Variants in CFAP74 observed in about 807,000 individuals in gnomAD.
The protein encoded by CFAP74 is cilia and flagella associated protein 74, also known as cilia- and flagella-associated protein 74.
A neutral mutation model predicts 188.9 loss-of-function variants in CFAP74; 124 were observed. The observed-to-expected ratio is 0.66, with a 90% CI of 0.57 to 0.76. The LOEUF (loss-of-function observed/expected upper bound fraction) is 0.76. Ranked by LOEUF, CFAP74 falls within the 30% of genes least tolerant of loss-of-function variation. The pLI, the probability that CFAP74 is intolerant of heterozygous loss-of-function variation, is 0.00. For synonymous variants in CFAP74, 956 were observed against 916.7 expected, an observed-to-expected ratio of 1.04 and a Z score of -0.77; for missense variants, 2,198 against 2,165.2, an observed-to-expected ratio of 1.02 and a Z score of -0.30.
At chr1:1,925,662 CA>C (rs1651827920) in intron 33 of CFAP74, 120 bp downstream of exon 33, 1 of 1,078,112 alleles carries the variant, frequency 9.3e-7, no homozygotes, top group African/African-American at 1.6e-5. Flanking sequence ...TAGAGGGGGC[CA>C]CCTGTGTCCC....
intron 18 of CFAP74, chr1:1,954,772 C>T: frequency 9.2e-7 from 1 of 1,087,046 alleles, no homozygotes; most frequent in Non-Finnish European, 1.1e-6. Context: ...GACAGAGACC[C>T]TGTCTCAACA....
chr1:1,943,920 G>C (rs371793060), intron 21 of CFAP74, among the ~76,000 whole-genome samples: 1 of 152,136 alleles, frequency 6.6e-6, no homozygotes, highest in South Asian at 2.1e-4. Flanking sequence ...CCCCGGGCTC[G>C]GGGCCCTTCC....
chr1:1,969,414 TGCCCA>T (rs1255323426), intron 10 of CFAP74, among the ~76,000 whole-genome samples: 1 of 54,904 alleles, frequency 1.8e-5, no homozygotes, highest in African/African-American at 7.1e-5. Context: ...AGCCCTGCCC[TGCCCA>T]GCCCAGCCCA....
chr1:1,953,305 T>C (rs1340284228), intron 18 of CFAP74: 1 of 151,960 alleles, frequency 6.6e-6, no homozygotes, highest in Non-Finnish European at 1.5e-5. Context: ...GCTTTTTTTT[T>C]TTTTTTTGAG....
At chr1:1,993,917 G>A (rs1319094884) in intron 1 of CFAP74, among the ~76,000 whole-genome samples, 2 of 150,714 alleles carry the variant, frequency 1.3e-5, no homozygotes, top group African/African-American at 2.4e-5. Context: ...GGGAGGCGGA[G>A]CTTGCAGTGA....
intron 15 of CFAP74, 73 bp downstream of exon 15, chr1:1,959,891 G>T: frequency 7.6e-7 from 1 of 1,320,966 alleles, no homozygotes; most frequent in Non-Finnish European, 1.0e-6. Context: ...CATGTTCTGC[G>T]CCACCATGCC....
At chr1:1,970,467 C>G (rs569045011) in intron 10 of CFAP74, among the ~76,000 whole-genome samples, 192 bp downstream of exon 10, 20 of 152,276 alleles carry the variant, frequency 1.3e-4, no homozygotes, top group African/African-American at 4.8e-4. Flanking sequence ...CAGGGCTGGG[C>G]AGGCTGAGTC....
chr1:1,979,181 C>T (rs1164076030), intron 6 of CFAP74, among the ~76,000 whole-genome samples: 3 of 82,996 alleles, frequency 3.6e-5, no homozygotes, highest in African/African-American at 1.4e-4. Context: ...CTGCACAGAA[C>T]ACGTGTGTCG....
intron 25 of CFAP74, among the ~76,000 whole-genome samples, chr1:1,934,912 G>T (rs1464903688): frequency 1.6e-4 from 21 of 134,138 alleles, no homozygotes; most frequent in African/African-American, 6.0e-4. Context: ...TGTGTACGTG[G>T]GTGTTAGGTT....
chr1:1,948,992 TCATTC>T, intron 18 of CFAP74, among the ~76,000 whole-genome samples: 2 of 103,212 alleles, frequency 1.9e-5, no homozygotes, highest in African/African-American at 3.6e-5. Flanking sequence ...CTCCTTTCCT[TCATTC>T]CCTTCCTTCC....
chr1:1,925,818 C>G lies in CFAP74; in HGVS notation c.4069G>C (p.Val1357Leu). 6.2e-7 allele frequency: 1 copy of G among 1,612,678 alleles called. No individual in the cohort carries two copies. ...IEGSVLNMGY[V>L]IAGESVSSGF... ...GAGGACACAGACTCTCCGGCAATCA[C>G]ATAGCCCATGTTGAGGACGCTGCCT... is the stretch of plus-strand genomic sequence containing the variant. The change falls in exon 33 of 39, where the codon GTG (valine) becomes CTG (leucine). Residue 1357 changes from valine to leucine, a missense_variant. Val to Leu is a conservative substitution (Grantham distance 32, BLOSUM62 1). Coordinates refer to ENST00000682832, the MANE Select transcript of CFAP74 (RefSeq NM_001304360.2).
rs1490524654 is a variant in CFAP74, at chr1:1,939,562, CCT to C, written c.2877+30_2877+31del. 4.6e-6 allele frequency: 7 copies of C among 1,524,070 alleles called. No individual in the cohort carries two copies. In the South Asian group the frequency reaches 6.0e-5, roughly 13 times the overall value. The allele number at this position is 1,524,070 out of a possible 1,614,324, so 94.4% of individuals were successfully genotyped here. Reference sequence around the variant, plus strand: ...GTCCCCAGGACTTCCCAGCCTCACCCCTCTTACCCCAGGCCTGGCTGCAGGAG... The same window carrying C: ...GTCCCCAGGACTTCCCAGCCTCACCCCTTACCCCAGGCCTGGCTGCAGGAG... On this transcript the variant is annotated intron_variant, in intron 24 of 38. Transcript: ENST00000682832.
chr1:1,988,005 G>C (rs1344448981), intron 4 of CFAP74: 1 of 434,686 alleles, frequency 2.3e-6, no homozygotes, highest in Non-Finnish European at 4.6e-6. Context: ...GTCTTGCTCT[G>C]TCACCCAGGC....
At chr1:1,944,194 A>C in intron 21 of CFAP74, 137 bp downstream of exon 21, 1 of 1,431,976 alleles carries the variant, frequency 7.0e-7, no homozygotes, top group Non-Finnish European at 9.2e-7. Flanking sequence ...GTGCACAGGC[A>C]GGCAGCGGCT....
chr1:1,948,497 C>T (rs990564502), intron 18 of CFAP74, among the ~76,000 whole-genome samples: 3 of 150,924 alleles, frequency 2.0e-5, no homozygotes, highest in East Asian at 3.9e-4. Context: ...TCTGCTTAAG[C>T]GATCCTCCTG....
At chr1:1,997,665 A>G (rs1450834944) in intron 1 of CFAP74, among the ~76,000 whole-genome samples, 1 of 152,202 alleles carries the variant, frequency 6.6e-6, no homozygotes, top group Non-Finnish European at 1.5e-5. Flanking sequence ...CACATCAAAA[A>G]CCATGAAGTA....
chr1:1,951,893 C>G (rs1472795347), intron 18 of CFAP74, among the ~76,000 whole-genome samples: 2 of 152,084 alleles, frequency 1.3e-5, no homozygotes, highest in Admixed American at 6.6e-5. Context: ...TGATGCAAAC[C>G]GCCTCATGCA....
intron 6 of CFAP74, among the ~76,000 whole-genome samples, chr1:1,977,238 T>C (rs374603432): frequency 8.1e-4 from 123 of 152,256 alleles, no homozygotes; most frequent in African/African-American, 2.8e-3. Flanking sequence ...AGCAGACCAA[T>C]TTCAGGGGCA....
At chr1:1,981,719 C>T (rs1224619818) in intron 6 of CFAP74, among the ~76,000 whole-genome samples, 15 of 133,182 alleles carry the variant, frequency 1.1e-4, no homozygotes, top group East Asian at 4.7e-4. Context: ...CACCCAGCCG[C>T]GGACAGACAC....
Sources: gnomAD v4.1 joint callset for allele counts (sites outside exome capture counted in the v4.1 genomes callset) on GRCh38, gnomAD v4.1.1 for gene constraint, MANE v1.5 for transcripts, NCBI Gene and HGNC (gene_info 2026-07-23, HGNC 2026-07-21) for gene names.